The following SNTG1 variants were observed in gnomAD, a reference collection of about 807,000 sequenced individuals.
The protein encoded by SNTG1 is gamma-1-syntrophin.
In SNTG1, 39 loss-of-function variants were observed where a neutral mutation model predicts 74.7. That is an observed-to-expected ratio of 0.52 (90% confidence interval 0.40 to 0.68). The LOEUF (loss-of-function observed/expected upper bound fraction) is 0.68. SNTG1 is among the 30% of genes least tolerant of loss of function. The pLI is 0.00. For synonymous variants in SNTG1, 254 were observed against 217.1 expected (o/e 1.17, Z -1.49); for missense variants, 685 against 609.5 (o/e 1.12, Z -1.30).
intron 8 of SNTG1, among the ~76,000 whole-genome samples, chr8:50,458,453 A>T (rs551295340): frequency 1.1e-4 from 16 of 152,160 alleles, no homozygotes; most frequent in Non-Finnish European, 2.4e-4. Context: ...AGGTGATATG[A>T]CAGACAAAGA....
intron 4 of SNTG1, among the ~76,000 whole-genome samples, chr8:50,408,880 T>C (rs942169690): frequency 2.6e-5 from 4 of 152,102 alleles, no homozygotes; most frequent in Non-Finnish European, 5.9e-5. Flanking sequence ...AGGATTTGGA[T>C]AGCAAAGGGA....
intron 2 of SNTG1, among the ~76,000 whole-genome samples, chr8:50,175,385 G>C (rs1345572800): frequency 1.3e-5 from 2 of 152,216 alleles, no homozygotes; most frequent in Middle Eastern, 3.4e-3. Flanking sequence ...AGACTAAATG[G>C]ATATTCATAT....
intron 1 of SNTG1, among the ~76,000 whole-genome samples, chr8:49,958,742 A>C (rs547747390): frequency 6.6e-6 from 1 of 152,338 alleles, no homozygotes; most frequent in East Asian, 1.9e-4. Context: ...TAATCCAAGA[A>C]TTTACTACTA....
At chr8:50,271,808 G>T (rs1172258632) in intron 2 of SNTG1, among the ~76,000 whole-genome samples, 1 of 152,154 alleles carries the variant, frequency 6.6e-6, no homozygotes, top group Non-Finnish European at 1.5e-5. Context: ...CTGGTGTTAT[G>T]ATATGAATGC....
intron 13 of SNTG1, among the ~76,000 whole-genome samples, chr8:50,610,095 T>A (rs1160402922): frequency 6.6e-6 from 1 of 152,210 alleles, no homozygotes; most frequent in Non-Finnish European, 1.5e-5. Flanking sequence ...CAATTCTGGA[T>A]TTTTGTCTGA....
chr8:50,550,693 G>GTGTGTATATATATATATATATATATA (rs1554571332), intron 11 of SNTG1, among the ~76,000 whole-genome samples: 5 of 149,028 alleles, frequency 3.4e-5, no homozygotes, highest in African/African-American at 1.0e-4. Flanking sequence ...TAGTGTGTGT[G>GTGTGTATATATATATATATATATATA]TATATATATA....
chr8:50,516,155 G>C (rs928372265), intron 9 of SNTG1, among the ~76,000 whole-genome samples: 1 of 152,110 alleles, frequency 6.6e-6, no homozygotes, highest in African/African-American at 2.4e-5. Flanking sequence ...CAGCAAACAG[G>C]GTCTGGAGTG....
intron 2 of SNTG1, among the ~76,000 whole-genome samples, chr8:50,267,479 C>T (rs954741364): frequency 5.3e-5 from 8 of 151,966 alleles, no homozygotes; most frequent in African/African-American, 1.2e-4. Flanking sequence ...TACACAAAGC[C>T]GGCTATAATA....
At chr8:49,998,153 C>G (rs1341182196) in intron 1 of SNTG1, among the ~76,000 whole-genome samples, 1 of 152,036 alleles carries the variant, frequency 6.6e-6, no homozygotes, top group Non-Finnish European at 1.5e-5. Flanking sequence ...ACATACATAA[C>G]ATAGGTAAAG....
intron 16 of SNTG1, among the ~76,000 whole-genome samples, chr8:50,705,827 A>C (rs1202597668): frequency 2.0e-5 from 3 of 152,168 alleles, no homozygotes; most frequent in Non-Finnish European, 4.4e-5. Flanking sequence ...CAGCCTCCCA[A>C]AGTTGGTCCT....
At chr8:50,666,471 A>C (rs2095251311) in intron 15 of SNTG1, among the ~76,000 whole-genome samples, 1 of 152,128 alleles carries the variant, frequency 6.6e-6, no homozygotes, top group African/African-American at 2.4e-5. Context: ...ACACACACTG[A>C]AGTATGAGGG....
At chr8:50,239,451 C>T (rs12677474) in intron 2 of SNTG1, among the ~76,000 whole-genome samples, 85,809 of 151,860 alleles carry the variant, frequency 0.57, 27,930 homozygotes, top group East Asian at 0.84. Context: ...AGTGCAAACG[C>T]TGGAAAAACT....
intron 1 of SNTG1, among the ~76,000 whole-genome samples, chr8:49,923,341 T>TA (rs1806724678): frequency 6.6e-6 from 1 of 152,152 alleles, no homozygotes; most frequent in African/African-American, 2.4e-5. Context: ...AAAATATGGA[T>TA]AAAATAGGCC....
intron 5 of SNTG1, among the ~76,000 whole-genome samples, chr8:50,449,461 T>C (rs1169882321): frequency 6.6e-6 from 1 of 152,234 alleles, no homozygotes; most frequent in Non-Finnish European, 1.5e-5. Context: ...TCAAAGCCAA[T>C]TGTTATTATT....
chr8:50,602,916 T>C (rs993828661), intron 13 of SNTG1, among the ~76,000 whole-genome samples: 6 of 150,346 alleles, frequency 4.0e-5, no homozygotes, highest in African/African-American at 1.2e-4. Context: ...TTTTTTTTTT[T>C]CAGTTCTCTT....
intron 18 of SNTG1, among the ~76,000 whole-genome samples, chr8:50,790,255 TG>T (rs531857666): frequency 6.6e-6 from 1 of 152,110 alleles, no homozygotes; most frequent in Admixed American, 6.6e-5. Context: ...TTCCTTTGTT[TG>T]TTTTTGTCTG....
At chr8:50,777,793 C>T (rs1477988405) in intron 18 of SNTG1, among the ~76,000 whole-genome samples, 1 of 151,934 alleles carries the variant, frequency 6.6e-6, no homozygotes, top group East Asian at 1.9e-4. Context: ...TGCTGCTGTG[C>T]TGCACCCATT....
intron 1 of SNTG1, among the ~76,000 whole-genome samples, chr8:49,929,185 A>T (rs2129353802): frequency 6.6e-6 from 1 of 152,340 alleles, no homozygotes; most frequent in South Asian, 2.1e-4. Context: ...ACTTCCCATC[A>T]ATATTTTAGA....
chr8:50,778,388 T>C (rs910102034), intron 18 of SNTG1, among the ~76,000 whole-genome samples: 3 of 152,038 alleles, frequency 2.0e-5, no homozygotes, highest in Non-Finnish European at 4.4e-5. Context: ...TTTTAATGAT[T>C]GCCATTCTAA....
Sources: allele counts gnomAD v4.1 joint callset (sites outside exome capture counted in the v4.1 genomes callset), GRCh38; gene constraint gnomAD v4.1.1; transcripts MANE v1.5; gene names NCBI Gene and HGNC (gene_info 2026-07-23, HGNC 2026-07-21).